The following STK38 variants were observed in gnomAD, a reference collection of about 807,000 sequenced individuals.
STK38 encodes the protein serine/threonine-protein kinase 38.
A neutral mutation model predicts 59.0 loss-of-function variants in STK38; 26 were observed. The observed-to-expected ratio is 0.44, with a 90% CI of 0.32 to 0.61. The LOEUF is 0.61. Ranked by LOEUF, STK38 falls within the 20% of genes least tolerant of loss-of-function variation. STK38 has a pLI of 0.04. For synonymous variants in STK38, 175 were observed against 176.6 expected (o/e 0.99, Z 0.07); for missense variants, 433 against 566.0 (o/e 0.76, Z 2.38).
intron 1 of STK38, among the ~76,000 whole-genome samples, chr6:36,545,096 C>T (rs1778027507): frequency 6.6e-6 from 1 of 151,746 alleles, no homozygotes; most frequent in Non-Finnish European, 1.5e-5. Context: ...TGGAGACTAG[C>T]TTGGCCAACA....
At chr6:36,528,449 G>A (rs1777587530) in intron 2 of STK38, among the ~76,000 whole-genome samples, 1 of 152,168 alleles carries the variant, frequency 6.6e-6, no homozygotes, top group African/African-American at 2.4e-5. Flanking sequence ...TGACCAACTG[G>A]CAATAGGAGT....
At chr6:36,509,483 G>A (rs7772800) in intron 7 of STK38, among the ~76,000 whole-genome samples, 36,084 of 152,010 alleles carry the variant, frequency 0.24, 4,509 homozygotes, top group East Asian at 0.39. Flanking sequence ...TCTCTTATCC[G>A]GTGCCTGAAA....
At chr6:36,526,274 C>T (rs550333975) in intron 2 of STK38, among the ~76,000 whole-genome samples, 2 of 148,754 alleles carry the variant, frequency 1.3e-5, no homozygotes, top group African/African-American at 5.0e-5. Context: ...CACAAAACAG[C>T]TGGTATTTGA....
chr6:36,521,063 C>A (rs1777365252), intron 5 of STK38, among the ~76,000 whole-genome samples: 1 of 152,136 alleles, frequency 6.6e-6, no homozygotes. Flanking sequence ...TCTATTCTTG[C>A]TTTTTAAAAT....
chr6:36,509,261 C>T (rs1019386708), intron 7 of STK38, among the ~76,000 whole-genome samples: 16 of 152,176 alleles, frequency 1.1e-4, no homozygotes, highest in African/African-American at 3.9e-4. Context: ...AAGTGGGTTG[C>T]TCCTTTCCGC....
chr6:36,517,360 G>A (rs77093395), intron 6 of STK38, among the ~76,000 whole-genome samples: 5,115 of 152,174 alleles, frequency 0.034, 298 homozygotes, highest in African/African-American at 0.11. Context: ...TTGGAGCAAA[G>A]GATGTTATAG....
At chr6:36,507,720 CT>C in intron 7 of STK38, 118 bp from the exon 8 acceptor site, 1 of 621,576 alleles carries the variant, frequency 1.6e-6, no homozygotes. Context: ...ACTGCTCCTT[CT>C]TTTATGATAG....
At chr6:36,529,449 C>G (rs1777614395) in intron 2 of STK38, among the ~76,000 whole-genome samples, 1 of 152,174 alleles carries the variant, frequency 6.6e-6, no homozygotes, top group Admixed American at 6.5e-5. Context: ...TCTCTGGTAG[C>G]AGTGCCAGGT....
chr6:36,532,929 C>G (rs533599470), intron 2 of STK38, among the ~76,000 whole-genome samples: 10 of 151,334 alleles, frequency 6.6e-5, no homozygotes, highest in African/African-American at 2.4e-4. Flanking sequence ...AAAATTAGCC[C>G]GACATGGTGG....
chr6:36,516,669 G>A (rs183707684), intron 6 of STK38, among the ~76,000 whole-genome samples: 7 of 152,316 alleles, frequency 4.6e-5, no homozygotes, highest in Admixed American at 6.5e-5. Flanking sequence ...CACTTGGGCT[G>A]CTACCCCAGT....
At chr6:36,527,207 A>AAATATATATATATATATAT (rs60162863) in intron 2 of STK38, among the ~76,000 whole-genome samples, 1 of 119,356 alleles carries the variant, frequency 8.4e-6, no homozygotes, top group African/African-American at 3.5e-5. Context: ...AAAAAAAAAA[A>AAATATATATATATATATAT]ATATATGTAT....
At chr6:36,502,283 T>C (rs1018138236) in intron 9 of STK38, among the ~76,000 whole-genome samples, 3 of 152,128 alleles carry the variant, frequency 2.0e-5, no homozygotes, top group Non-Finnish European at 2.9e-5. Flanking sequence ...GCTGGGACTG[T>C]AGGGATGTGC....
At chr6:36,527,207 A>AAAAAAAAAAAAAAAATAT (rs60162863) in intron 2 of STK38, among the ~76,000 whole-genome samples, 2 of 119,356 alleles carry the variant, frequency 1.7e-5, no homozygotes, top group African/African-American at 7.0e-5. Flanking sequence ...AAAAAAAAAA[A>AAAAAAAAAAAAAAAATAT]ATATATGTAT....
intron 2 of STK38, 124 bp from the exon 3 acceptor site, chr6:36,525,766 C>A: frequency 4.5e-5 from 31 of 681,550 alleles, no homozygotes; most frequent in Admixed American, 9.3e-5. Flanking sequence ...CAAAATGTCT[C>A]ATTAAAACAA....
intron 2 of STK38, among the ~76,000 whole-genome samples, chr6:36,525,950 C>A (rs538919505): frequency 6.6e-6 from 1 of 152,054 alleles, no homozygotes; most frequent in Admixed American, 6.6e-5. Context: ...ACCTCACAGG[C>A]TCAAGCAATC....
chr6:36,515,094 A>C (rs188339840), intron 7 of STK38, among the ~76,000 whole-genome samples: 2 of 152,234 alleles, frequency 1.3e-5, no homozygotes, highest in East Asian at 3.9e-4. Context: ...TGCCCTCTAC[A>C]TCAATTTTGC....
chr6:36,533,839 C>T (rs1340061351), intron 2 of STK38, among the ~76,000 whole-genome samples: 1 of 152,202 alleles, frequency 6.6e-6, no homozygotes, highest in Non-Finnish European at 1.5e-5. Flanking sequence ...TTTCACCTGC[C>T]TAAAGATATT....
At chr6:36,517,624 C>T in intron 6 of STK38, 93 bp downstream of exon 6, 1 of 1,514,188 alleles carries the variant, frequency 6.6e-7, no homozygotes, top group South Asian at 1.3e-5. Context: ...TTTGTGAGCA[C>T]ATTTAAAAGT....
At chr6:36,526,896 T>C (rs1777527267) in intron 2 of STK38, among the ~76,000 whole-genome samples, 2 of 133,252 alleles carry the variant, frequency 1.5e-5, no homozygotes, top group South Asian at 4.7e-4. Flanking sequence ...AGACCCTGTC[T>C]CAAAAAAAAC....
Sources: gnomAD v4.1 joint callset for allele counts (sites outside exome capture counted in the v4.1 genomes callset) on GRCh38, gnomAD v4.1.1 for gene constraint, MANE v1.5 for transcripts, NCBI Gene and HGNC (gene_info 2026-07-23, HGNC 2026-07-21) for gene names.